Variants in GRIK1 observed in about 807,000 individuals in gnomAD.
GRIK1 encodes the protein glutamate ionotropic receptor kainate type subunit 1, also known as glutamate receptor ionotropic, kainate 1.
GRIK1 carries 69 observed loss-of-function variants against 105.7 expected under a neutral mutation model. The observed-to-expected ratio is 0.65, with a 90% CI of 0.54 to 0.80. GRIK1 has a LOEUF of 0.80. Ranked by LOEUF, GRIK1 falls within the 30% of genes least tolerant of loss-of-function variation. The pLI is 0.00. For missense variants in GRIK1, 1,109 were observed against 1,167.3 expected, an observed-to-expected ratio of 0.95 and a Z score of 0.73; for synonymous variants, 438 against 431.3, an observed-to-expected ratio of 1.02 and a Z score of -0.19.
At chr21:29,738,073 A>G (rs1210311355) in intron 1 of GRIK1, among the ~76,000 whole-genome samples, 2 of 152,274 alleles carry the variant, frequency 1.3e-5, no homozygotes, top group Non-Finnish European at 2.9e-5. Flanking sequence ...AGACAGCTCA[A>G]GAAGCTAGTC....
At position 29,770,381 on chromosome 21, in the gene GRIK1, G is replaced by A. The variant is rs186403011; in HGVS notation, c.119-76318C>T. On this transcript the variant is annotated intron_variant, in intron 1 of 17. Transcript: ENST00000327783. Reference sequence around the variant, plus strand: ...TCCATATGTGACATTTCTAACATCAGCGTAACAAAGTGAGAGGGTGCAGGG... The same window carrying A: ...TCCATATGTGACATTTCTAACATCAACGTAACAAAGTGAGAGGGTGCAGGG... Among the ~76,000 whole-genome samples, 252 of 152,306 alleles carry A rather than the reference G, an allele frequency of 1.7e-3. 1 individual carries two copies. Among genetic ancestry groups the A allele is most frequent in the Admixed American group, 3.3e-3 (50 of 15,302 alleles).
chr21:29,713,397 C>T (rs923510986), intron 1 of GRIK1, among the ~76,000 whole-genome samples: 2 of 151,752 alleles, frequency 1.3e-5, no homozygotes, highest in Non-Finnish European at 2.9e-5. Flanking sequence ...TTTTTTCATT[C>T]TTGTAATGCC....
At chr21:29,832,226 T>C (rs1241391010) in intron 1 of GRIK1, among the ~76,000 whole-genome samples, 1 of 152,216 alleles carries the variant, frequency 6.6e-6, no homozygotes, top group Non-Finnish European at 1.5e-5. Flanking sequence ...GCTGCTTTCC[T>C]GGACTGGTGT....
intron 1 of GRIK1, among the ~76,000 whole-genome samples, chr21:29,732,108 A>G (rs78240938): frequency 3.6e-4 from 55 of 152,304 alleles, no homozygotes; most frequent in African/African-American, 1.3e-3. Context: ...AACTCTTTGA[A>G]CGACCGTTGT....
chr21:29,665,026 TTTC>T (rs1242647064), intron 4 of GRIK1, among the ~76,000 whole-genome samples: 1 of 152,220 alleles, frequency 6.6e-6, no homozygotes, highest in East Asian at 1.9e-4. Context: ...AAGGAAAATT[TTTC>T]TTATCTCCTA....
intron 1 of GRIK1, among the ~76,000 whole-genome samples, chr21:29,753,551 T>C (rs1270245527): frequency 1.3e-5 from 2 of 152,136 alleles, no homozygotes; most frequent in Non-Finnish European, 2.9e-5. Context: ...TACCATAAAA[T>C]TGTCCCTGTG....
intron 1 of GRIK1, among the ~76,000 whole-genome samples, chr21:29,757,480 A>T (rs2065379940): frequency 6.6e-6 from 1 of 152,244 alleles, no homozygotes; most frequent in Non-Finnish European, 1.5e-5. Context: ...TAAATCTGCC[A>T]ATTTAATTAA....
intron 1 of GRIK1, among the ~76,000 whole-genome samples, chr21:29,789,894 T>C (rs2066364436): frequency 6.6e-6 from 1 of 152,240 alleles, no homozygotes; most frequent in Non-Finnish European, 1.5e-5. Flanking sequence ...GTAAAATGCC[T>C]ATAAAGTTTT....
At chr21:29,586,087 C>T (rs78017616) in intron 12 of GRIK1, among the ~76,000 whole-genome samples, 5,873 of 152,268 alleles carry the variant, frequency 0.039, 274 homozygotes, top group Admixed American at 0.14. Flanking sequence ...TTGAGAACCA[C>T]TGATTTAGAG....
At chr21:29,705,425 C>G (rs1568995485) in intron 1 of GRIK1, among the ~76,000 whole-genome samples, 1 of 152,204 alleles carries the variant, frequency 6.6e-6, no homozygotes, top group East Asian at 1.9e-4. Flanking sequence ...GTGTTTAACT[C>G]AGTATCCCCC....
At chr21:29,937,797 A>T (rs1306648108) in intron 1 of GRIK1, among the ~76,000 whole-genome samples, 11 of 149,394 alleles carry the variant, frequency 7.4e-5, no homozygotes, top group South Asian at 4.2e-4. Flanking sequence ...TGTTCAGAAT[A>T]TTTTTTTTTT....
intron 15 of GRIK1, among the ~76,000 whole-genome samples, chr21:29,557,197 C>A (rs1370900463): frequency 6.6e-6 from 1 of 151,942 alleles, no homozygotes; most frequent in African/African-American, 2.4e-5. Flanking sequence ...GTTAGCATTT[C>A]TTCTACTCAG....
At chr21:29,543,844 T>A (rs996807144) in intron 16 of GRIK1, among the ~76,000 whole-genome samples, 4 of 152,222 alleles carry the variant, frequency 2.6e-5, no homozygotes, top group Non-Finnish European at 5.9e-5. Context: ...TTCTTGCAAC[T>A]TTAAAGCTTT....
intron 1 of GRIK1, among the ~76,000 whole-genome samples, chr21:29,897,401 A>G (rs1184337080): frequency 6.6e-6 from 1 of 152,220 alleles, no homozygotes; most frequent in African/African-American, 2.4e-5. Flanking sequence ...GAATTCAATT[A>G]TATAACTAAG....
chr21:29,631,667 A>G (rs1001074538), intron 7 of GRIK1, among the ~76,000 whole-genome samples: 1 of 152,222 alleles, frequency 6.6e-6, no homozygotes, highest in East Asian at 1.9e-4. Flanking sequence ...ATAAGTGTAA[A>G]AGACACAGTG....
chr21:29,577,168 C>T lies in GRIK1; in HGVS notation c.1926G>A (p.Met642Ile). ...CTATTCTGGTCGATAGAGCTTTGGG[C>T]ATCAGCTCTGATCCTGTGATGGTAT... ...GALMQQGSEL[M>I]PKALSTRIVG... The change falls in exon 14 of 18, where the codon ATG becomes ATA. Residue 642 changes from methionine (M) to isoleucine (I), a missense_variant. Met to Ile is a conservative substitution (Grantham distance 10). This residue lies in a region of GRIK1 where 264 missense variants were observed against 306.9 expected (regional missense o/e 0.86). Transcript: ENST00000327783. 6.3e-7 allele frequency: 1 copy of T among 1,596,248 alleles called. No homozygotes were observed. Among genetic ancestry groups the T allele is most frequent in the African/African-American group, 1.3e-5 (1 of 74,660 alleles).
chr21:29,786,242 C>CTAT (rs1201446256), intron 1 of GRIK1, among the ~76,000 whole-genome samples: 2 of 152,242 alleles, frequency 1.3e-5, no homozygotes, highest in East Asian at 3.8e-4. Flanking sequence ...CCGCCTCAGC[C>CTAT]TCCCAAAGTG....
intron 16 of GRIK1, among the ~76,000 whole-genome samples, chr21:29,548,271 G>A (rs1235436996): frequency 6.6e-6 from 1 of 152,142 alleles, no homozygotes; most frequent in African/African-American, 2.4e-5. Context: ...TTCACACACT[G>A]CATTTGTAAT....
At chr21:29,621,579 T>A (rs2062004661) in intron 7 of GRIK1, among the ~76,000 whole-genome samples, 1 of 152,204 alleles carries the variant, frequency 6.6e-6, no homozygotes, top group African/African-American at 2.4e-5. Flanking sequence ...AGTGTGATCA[T>A]CTAGTTCTGA....
Sources: allele counts gnomAD v4.1 joint callset (sites outside exome capture counted in the v4.1 genomes callset), GRCh38; gene constraint gnomAD v4.1.1; regional missense constraint gnomAD v4.1.1; transcripts MANE v1.5; gene names NCBI Gene and HGNC (gene_info 2026-07-23, HGNC 2026-07-21).